MSMB: variants seen among roughly 807,000 people sequenced by gnomAD.
MSMB encodes microseminoprotein beta, also known as beta-microseminoprotein.
A neutral mutation model predicts 10.5 loss-of-function variants in MSMB; 10 were observed. The observed-to-expected ratio is 0.95, with a 90% confidence interval of 0.59 to 1.62. The LOEUF (loss-of-function observed/expected upper bound fraction) is 1.62, where lower values mean the gene tolerates loss of function less well. Among genes scored for constraint, MSMB ranks in the 40% most tolerant of loss-of-function variants. The probability of loss-of-function intolerance (pLI) is 0.00; values close to 1 mark genes in which losing one functional copy is unlikely to be tolerated. For synonymous variants in MSMB, 43 were observed against 46.5 expected, an observed-to-expected ratio of 0.93 and a Z score of 0.30; for missense variants, 126 against 137.4, an observed-to-expected ratio of 0.92 and a Z score of 0.42.
At chr10:46,033,819 C>G (rs1465042662) in intron 3 of MSMB, among the ~76,000 whole-genome samples, 2 of 152,210 alleles carry the variant, frequency 1.3e-5, no homozygotes, top group African/African-American at 4.8e-5. Flanking sequence ...TAGAAAGTGG[C>G]AGCTTGTTCC....
chr10:46,034,728 G>A lies in MSMB; in HGVS notation c.216-1177C>T, dbSNP rs186536355. On this transcript the variant is annotated intron_variant, in intron 3 of 3. Transcript: ENST00000582163. Reference sequence around the variant, plus strand: ...TAGTCCCAGCTACTCAGGAGGCTGAGACAGGAGAATGGCGTGAACCCAGGA... The same window carrying A: ...TAGTCCCAGCTACTCAGGAGGCTGAAACAGGAGAATGGCGTGAACCCAGGA... 3.1e-4 allele frequency among the ~76,000 whole-genome samples: 47 copies of A among 151,670 alleles called. 1 individual carries two copies. The highest frequency in any genetic ancestry group is 1.1e-3 in the African/African-American group (45 of 41,374).
rs782018653 is a variant in MSMB at position 46,033,508 on chromosome 10, T to C, written c.259A>G (p.Ile87Val). The C allele has an allele frequency of 5.0e-6, 8 of 1,613,774 alleles. No homozygotes were observed. The highest frequency in any genetic ancestry group is 6.8e-6 in the Non-Finnish European group (8 of 1,179,804). Residue 87 changes from isoleucine (I) to valine (V), a missense_variant, in exon 4 of 4, where the codon ATC (isoleucine) becomes GTC (valine). Transcript: ENST00000582163. ...TACTTGCAGTCCTCCTTCTTGAAGA[T>C]TCTTTGGCAGTTGTCTTTGTCATAA... Reference protein sequence around the residue: ...VGYDKDNCQRIFKKEDCKYIV... With the variant: ...VGYDKDNCQRVFKKEDCKYIV...
intron 1 of MSMB, 50 bp downstream of exon 1, chr10:46,046,185 C>T (rs1840892542): frequency 1.3e-6 from 2 of 1,565,594 alleles, no homozygotes; most frequent in South Asian, 1.1e-5. Context: ...AATAGGAATA[C>T]ATATTCTCTT....
At position 46,046,254 on chromosome 10, in the gene MSMB, C is replaced by T. The variant is rs1199828950; in HGVS notation, c.-17G>A. ...ACCTACCATTGTGATAAGCAGGACT[C>T]CTTATAGACAGGTACATCCAGGCAA... On this transcript the variant is annotated 5_prime_UTR_variant, in exon 1 of 4. Transcript: ENST00000582163. 3 of 1,611,906 alleles carry T rather than the reference C, an allele frequency of 1.9e-6. No individual in the cohort carries two copies. Among genetic ancestry groups the T allele is most frequent in the East Asian group, 4.5e-5 (2 of 44,886 alleles).
At chr10:46,044,392 T>C (rs1036213757) in intron 1 of MSMB, among the ~76,000 whole-genome samples, 3 of 149,998 alleles carry the variant, frequency 2.0e-5, no homozygotes, top group South Asian at 2.1e-4. Flanking sequence ...CTGGCTAACA[T>C]GGTGAAACCC....
At chr10:46,039,554 G>A (rs1347897847) in intron 2 of MSMB, among the ~76,000 whole-genome samples, 5 of 152,128 alleles carry the variant, frequency 3.3e-5, no homozygotes, top group African/African-American at 1.2e-4. Context: ...AGTATCTCTG[G>A]GTACAGGGCC....
chr10:46,045,713 G>A (rs1484973315), intron 1 of MSMB, among the ~76,000 whole-genome samples: 1 of 152,152 alleles, frequency 6.6e-6, no homozygotes, highest in Non-Finnish European at 1.5e-5. Context: ...GTGTCGGGGT[G>A]GAAGATGGGT....
At chr10:46,043,835 T>C (rs1356763369) in intron 1 of MSMB, among the ~76,000 whole-genome samples, 2 of 152,074 alleles carry the variant, frequency 1.3e-5, no homozygotes, top group East Asian at 1.9e-4. Flanking sequence ...CCACCACACC[T>C]GGCTAATTTT....
At chr10:46,036,161 C>A (rs577050623) in intron 3 of MSMB, among the ~76,000 whole-genome samples, 20 of 152,266 alleles carry the variant, frequency 1.3e-4, no homozygotes, top group African/African-American at 4.6e-4. Context: ...GAGCCCAGGA[C>A]ATCTCCCATG....
At chr10:46,038,318 C>T (rs896491825) in intron 3 of MSMB, among the ~76,000 whole-genome samples, 3 of 151,488 alleles carry the variant, frequency 2.0e-5, no homozygotes, top group Admixed American at 6.6e-5. Context: ...GACACAGTCT[C>T]GCTCTGTCGC....
rs1445584919 is a variant in MSMB at position 46,040,014 on chromosome 10, A to T, written c.81T>A (p.Asn27Lys). The T allele has an allele frequency of 6.2e-6, 10 of 1,613,882 alleles. No individual in the cohort carries two copies. Among genetic ancestry groups the T allele is most frequent in the Non-Finnish European group, 8.5e-6 (10 of 1,179,854 alleles). The change falls in exon 2 of 4, where the codon AAT (asparagine) becomes AAA (lysine). Residue 27 changes from asparagine to lysine, a missense_variant. Transcript: ENST00000582163. ...LCNASCYFIP[N>K]EGVPGDSTRK... The stretch of plus-strand genomic sequence containing the variant: ...TGGTTGAATCTCCTGGAACTCCCTC[A>T]TTAGGTATGAAATAGCATGATGCAT...
intron 1 of MSMB, among the ~76,000 whole-genome samples, chr10:46,045,962 G>A (rs1840886920): frequency 6.6e-6 from 1 of 152,146 alleles, no homozygotes; most frequent in African/African-American, 2.4e-5. Flanking sequence ...CCAAGAATTA[G>A]AGACACTTAT....
At chr10:46,035,759 G>A (rs1840587035) in intron 3 of MSMB, among the ~76,000 whole-genome samples, 2 of 152,066 alleles carry the variant, frequency 1.3e-5, no homozygotes, top group African/African-American at 2.4e-5. Flanking sequence ...TGTACTTAAT[G>A]CCGCTGAATT....
chr10:46,036,365 C>T (rs975405589), intron 3 of MSMB, among the ~76,000 whole-genome samples: 2 of 152,168 alleles, frequency 1.3e-5, no homozygotes, highest in African/African-American at 4.8e-5. Flanking sequence ...TGAGGCAATT[C>T]CAGGGAAGAA....
At position 46,041,323 on chromosome 10, in the gene MSMB, C is replaced by T. The variant is rs549806916; in HGVS notation, c.4-1232G>A. The stretch of plus-strand genomic sequence containing the variant: ...TTGTGCCACCGCACTCTAGCCTGGG[C>T]AAGAGAGTGAGACTCCGTCTCAAAA... On this transcript the variant is annotated intron_variant, in intron 1 of 3. Coordinates refer to ENST00000582163, the MANE Select transcript of MSMB (RefSeq NM_002443.4). Among the ~76,000 whole-genome samples the T allele has an allele frequency of 9.2e-3, 596 of 64,460 alleles. 6 individuals are homozygous for T. The highest frequency in any genetic ancestry group is 0.066 in the African/African-American group (542 of 8,236). 42.3% of individuals were successfully genotyped at this position (64,460 alleles called of 152,430 possible).
chr10:46,038,910 T>A, intron 3 of MSMB, 56 bp downstream of exon 3: 1 of 1,462,992 alleles, frequency 6.8e-7, no homozygotes, highest in Non-Finnish European at 9.6e-7. Flanking sequence ...ACGGAGTAGC[T>A]GTTCCTCAGA....
Position 46,043,926 on chromosome 10 carries a change from C to T in MSMB, c.3+2309G>A, listed in dbSNP as rs546675913. On this transcript the variant is annotated intron_variant, in intron 1 of 3. Coordinates refer to ENST00000582163, the MANE Select transcript of MSMB (RefSeq NM_002443.4). ...CTGACCTCAAATGATCCGCCCGCCT[C>T]GGCCTCCCAAAGTGCTGGGATTATG... Among the ~76,000 whole-genome samples, 15 of 152,140 alleles carry T rather than the reference C, an allele frequency of 9.9e-5. 1 individual carries two copies. In the South Asian group the frequency reaches 2.9e-3, roughly 29 times the overall value.
chr10:46,033,676 C>T, intron 3 of MSMB, 125 bp from the exon 4 acceptor site: 1 of 1,415,884 alleles, frequency 7.1e-7, no homozygotes, highest in South Asian at 1.3e-5. Flanking sequence ...GGCTGGCAGC[C>T]CCAGAGTGTG....
chr10:46,043,360 T>C (rs1554928881), intron 1 of MSMB, among the ~76,000 whole-genome samples: 1 of 152,124 alleles, frequency 6.6e-6, no homozygotes, highest in Admixed American at 6.5e-5. Flanking sequence ...TTTGAGATTA[T>C]CCACTTGACA....
Sources: allele counts gnomAD v4.1 joint callset (sites outside exome capture counted in the v4.1 genomes callset), GRCh38; gene constraint gnomAD v4.1.1; transcripts MANE v1.5; gene names NCBI Gene and HGNC (gene_info 2026-07-23, HGNC 2026-07-21).